The following KDM4C variants were observed in gnomAD, a reference collection of about 807,000 sequenced individuals.
KDM4C encodes the protein lysine-specific demethylase 4C.
A neutral mutation model predicts 129.3 loss-of-function variants in KDM4C; 81 were observed. The ratio of observed to expected loss-of-function variants is 0.63; its 90% CI spans 0.52 to 0.75. The LOEUF is 0.75. Ranked by LOEUF, KDM4C falls within the 30% of genes least tolerant of loss-of-function variation. The probability of loss-of-function intolerance (pLI) is 0.00; values close to 1 mark genes in which losing one functional copy is unlikely to be tolerated. For synonymous variants in KDM4C, 573 were observed against 456.1 expected (o/e 1.26, Z -3.26); for missense variants, 1,457 against 1,304.0 (o/e 1.12, Z -1.81).
intron 8 of KDM4C, among the ~76,000 whole-genome samples, chr9:6,918,860 T>C (rs529162277): frequency 2.0e-5 from 3 of 150,590 alleles, no homozygotes; most frequent in African/African-American, 7.3e-5. Flanking sequence ...TTTGCTCACT[T>C]TTTTTTTTTG....
intron 2 of KDM4C, among the ~76,000 whole-genome samples, chr9:6,794,187 G>A (rs1827289353): frequency 6.6e-6 from 1 of 152,228 alleles, no homozygotes; most frequent in East Asian, 1.9e-4. Context: ...CTAGAGGTAG[G>A]GATATGGGGG....
chr9:6,817,410 G>T (rs1832320300), intron 4 of KDM4C, among the ~76,000 whole-genome samples: 1 of 151,874 alleles, frequency 6.6e-6, no homozygotes, highest in Non-Finnish European at 1.5e-5. Flanking sequence ...TTCCTATGTT[G>T]CCCACGCTGG....
chr9:6,967,316 C>T (rs901979695), intron 8 of KDM4C, among the ~76,000 whole-genome samples: 5 of 151,188 alleles, frequency 3.3e-5, no homozygotes, highest in East Asian at 3.9e-4. Flanking sequence ...CCCAGCTACT[C>T]GGGGGGCTGA....
chr9:6,821,611 C>G (rs1833041694), intron 4 of KDM4C, among the ~76,000 whole-genome samples: 1 of 151,310 alleles, frequency 6.6e-6, no homozygotes, highest in Admixed American at 6.6e-5. Context: ...TTTGTAGATT[C>G]TGGATATTAG....
At chr9:6,921,169 G>T (rs1338838538) in intron 8 of KDM4C, among the ~76,000 whole-genome samples, 3 of 151,654 alleles carry the variant, frequency 2.0e-5, no homozygotes, top group African/African-American at 7.3e-5. Context: ...TCATTTTCTT[G>T]TCTACACGAA....
intron 8 of KDM4C, among the ~76,000 whole-genome samples, chr9:6,967,189 C>G (rs1222333453): frequency 1.3e-5 from 2 of 151,920 alleles, no homozygotes; most frequent in Admixed American, 1.3e-4. Flanking sequence ...TTGGGGAGGC[C>G]AAGGCAGGCG....
intron 4 of KDM4C, among the ~76,000 whole-genome samples, chr9:6,827,339 A>G (rs563327272): frequency 2.0e-5 from 3 of 152,326 alleles, no homozygotes; most frequent in African/African-American, 4.8e-5. Flanking sequence ...TTTAAGATGA[A>G]CTAAATTCAA....
At chr9:6,975,569 A>G (rs984836706) in intron 8 of KDM4C, among the ~76,000 whole-genome samples, 2 of 152,018 alleles carry the variant, frequency 1.3e-5, no homozygotes, top group African/African-American at 4.8e-5. Context: ...TTCTTCATAT[A>G]TTTTTTTAAG....
At position 6,856,524 on chromosome 9, in the gene KDM4C, ATCTC is replaced by A. The variant is rs1354072480; in HGVS notation, c.629+6830_629+6833del. On this transcript the variant is annotated intron_variant, in intron 5 of 21. Coordinates refer to ENST00000381309, the MANE Select transcript of KDM4C (RefSeq NM_015061.6). ...TAGGTTATTGATTAGTTTTAGGCAT[ATCTC>A]TCTCTGTGTGCGTGTGTGTGTGTGT... Among the ~76,000 whole-genome samples, 16 of 146,006 alleles carry A rather than the reference ATCTC, an allele frequency of 1.1e-4. No individual in the cohort carries two copies. The East Asian group carries it at 3.1e-3, about 28-fold the overall frequency.
chr9:7,057,537 A>G (rs2381538), intron 17 of KDM4C, among the ~76,000 whole-genome samples: 142,960 of 152,288 alleles, frequency 0.94, 67,225 homozygotes, highest in East Asian at 1. Context: ...AATTATGGTG[A>G]TTGTGAGGAT....
At chr9:7,016,030 A>T (rs1463491648) in intron 15 of KDM4C, 101 bp downstream of exon 15, 8 of 764,282 alleles carry the variant, frequency 1.0e-5, no homozygotes, top group Non-Finnish European at 1.8e-5. Flanking sequence ...AGGTGCTTAT[A>T]TGTGCAGTTC....
At chr9:7,087,792 T>C (rs572485461) in intron 17 of KDM4C, among the ~76,000 whole-genome samples, 1 of 152,360 alleles carries the variant, frequency 6.6e-6, no homozygotes, top group East Asian at 1.9e-4. Context: ...ACATGTTTTA[T>C]TTCTAAATGT....
intron 12 of KDM4C, among the ~76,000 whole-genome samples, chr9:6,999,819 C>T (rs187530876): frequency 6.6e-6 from 1 of 152,292 alleles, no homozygotes; most frequent in East Asian, 1.9e-4. Flanking sequence ...GTTCTTTTCC[C>T]TGCCAGTTTT....
At chr9:6,967,030 A>T (rs979336950) in intron 8 of KDM4C, among the ~76,000 whole-genome samples, 4 of 152,196 alleles carry the variant, frequency 2.6e-5, no homozygotes, top group Admixed American at 6.5e-5. Flanking sequence ...ACATTTGCAA[A>T]ACGTGTCTGA....
Position 7,028,146 on chromosome 9 carries a change from T to A in KDM4C, c.2259+12217T>A, listed in dbSNP as rs115017696. 3.8e-3 allele frequency among the ~76,000 whole-genome samples: 585 copies of A among 152,168 alleles called. 4 individuals are homozygous for A. Among genetic ancestry groups the A allele is most frequent in the African/African-American group, 0.014 (569 of 41,522 alleles). On this transcript the variant is annotated intron_variant, in intron 15 of 21. Transcript: ENST00000381309. ...CCTTTACTTTCCCCCCTACTTTTCT[T>A]ATCAGAAAGAATCTCTCCTTGTGGC...
chr9:6,951,604 C>T (rs747846695), intron 8 of KDM4C, among the ~76,000 whole-genome samples: 2 of 152,106 alleles, frequency 1.3e-5, no homozygotes, highest in East Asian at 1.9e-4. Flanking sequence ...CCATTTAAGC[C>T]GAGTGTTAAA....
At chr9:6,794,001 A>T (rs117411877) in intron 2 of KDM4C, among the ~76,000 whole-genome samples, 5,641 of 152,236 alleles carry the variant, frequency 0.037, 147 homozygotes, top group Non-Finnish European at 0.058. Context: ...TCATCCCCCA[A>T]AGAAACTTCA....
At chr9:6,804,340 T>C (rs1829570583) in intron 2 of KDM4C, among the ~76,000 whole-genome samples, 1 of 152,060 alleles carries the variant, frequency 6.6e-6, no homozygotes, top group Non-Finnish European at 1.5e-5. Context: ...ATGGTGGGAG[T>C]ACTATGCCAT....
intron 12 of KDM4C, among the ~76,000 whole-genome samples, chr9:7,005,955 A>C (rs549993356): frequency 3.9e-5 from 6 of 152,298 alleles, no homozygotes; most frequent in African/African-American, 1.4e-4. Context: ...TGTCACTTGG[A>C]CTAATGTTTT....
Sources: allele counts gnomAD v4.1 joint callset (sites outside exome capture counted in the v4.1 genomes callset), GRCh38; gene constraint gnomAD v4.1.1; transcripts MANE v1.5; gene names NCBI Gene and HGNC (gene_info 2026-07-23, HGNC 2026-07-21).